PAX3: variants seen among roughly 807,000 people sequenced by gnomAD.
The protein encoded by PAX3 is paired box protein Pax-3.
In PAX3, 14 loss-of-function variants were observed where a neutral mutation model predicts 51.6. That is an observed-to-expected ratio of 0.27 (90% CI 0.18 to 0.42). The LOEUF is 0.42. PAX3 is among the 10% of genes least tolerant of loss of function. PAX3 has a pLI of 1.00. For missense variants in PAX3, 540 were observed against 642.8 expected (o/e 0.84, Z 1.73); for synonymous variants, 280 against 253.4 (o/e 1.11, Z -1.00).
chr2:222,295,550 A>G lies in PAX3; in HGVS notation c.429T>C (p.Cys143=), dbSNP rs2106200288. 1 of 1,614,224 alleles carries G rather than the reference A, an allele frequency of 6.2e-7. No homozygotes were observed. The highest frequency in any genetic ancestry group is 8.5e-7 in the Non-Finnish European group (1 of 1,180,034). ...TACCTGACGGCACGGTGTTTCGATC[A>G]CAGACCGCGTCCTTGAGTAATTTGT... ...IRDKLLKDAV[C]DRNTVPSVSS... Residue 143 remains cysteine, a synonymous_variant, in exon 3 of 9, where the codon TGT becomes TGC. Coordinates refer to ENST00000392070, the MANE Select transcript of PAX3 (RefSeq NM_181458.4).
intron 4 of PAX3, among the ~76,000 whole-genome samples, chr2:222,278,085 C>T (rs1694494992): frequency 6.6e-6 from 1 of 151,938 alleles, no homozygotes; most frequent in Non-Finnish European, 1.5e-5. Context: ...ATTAGACACC[C>T]TGATTAAAAT....
In PAX3 at chr2:222,281,669, C is replaced by T. The variant is rs532627018; in HGVS notation, c.586+12498G>A. Among the ~76,000 whole-genome samples, 3 of 152,338 alleles carry T rather than the reference C, an allele frequency of 2.0e-5. No individual in the cohort carries two copies. The South Asian group carries it at 6.2e-4, about 32-fold the overall frequency. ...CATGTTGATATTAATCCTCTGTAGACTTTCCTTCCTGTGTGGAGAGCTGCA... is the reference window on the plus strand; with the variant it reads ...CATGTTGATATTAATCCTCTGTAGATTTTCCTTCCTGTGTGGAGAGCTGCA... On this transcript the variant is annotated intron_variant, in intron 4 of 8. Transcript: ENST00000392070.
intron 4 of PAX3, among the ~76,000 whole-genome samples, chr2:222,238,454 A>G (rs777688730): frequency 9.2e-5 from 14 of 152,220 alleles, no homozygotes; most frequent in Non-Finnish European, 1.9e-4. Context: ...ATGGAGAAAC[A>G]AAATAATTCA....
chr2:222,286,467 G>T (rs1301818940), intron 4 of PAX3, among the ~76,000 whole-genome samples: 1 of 152,234 alleles, frequency 6.6e-6, no homozygotes, highest in African/African-American at 2.4e-5. Flanking sequence ...TTTTGCTAGG[G>T]AAGGTAATTT....
chr2:222,294,895 C>G lies in PAX3; in HGVS notation c.452-594G>C, dbSNP rs184390772. On this transcript the variant is annotated intron_variant, in intron 3 of 8. Transcript: ENST00000392070. The stretch of plus-strand genomic sequence containing the variant: ...TGTAAAAATCAAAAGAAAATGCACT[C>G]TCTCCCACTTATTTTTTCCAGATTC... 2.0e-5 allele frequency among the ~76,000 whole-genome samples: 3 copies of G among 151,056 alleles called. No homozygotes were observed. In the East Asian group the frequency reaches 5.9e-4, roughly 30 times the overall value.
At chr2:222,295,457 G>C (rs1376225503) in intron 3 of PAX3, 71 bp downstream of exon 3, 3 of 1,560,886 alleles carry the variant, frequency 1.9e-6, no homozygotes, top group Non-Finnish European at 2.7e-6. Context: ...GGGTGATTAC[G>C]TCTGGGTCGA....
intron 4 of PAX3, among the ~76,000 whole-genome samples, chr2:222,239,488 A>C (rs1179696837): frequency 6.6e-6 from 1 of 152,170 alleles, no homozygotes; most frequent in Admixed American, 6.5e-5. Flanking sequence ...TTTATTTTAA[A>C]ATTGTATATA....
At position 222,202,046 on chromosome 2, in the gene PAX3, C is replaced by T. The variant is rs749014584; in HGVS notation, c.1318G>A (p.Asp440Asn). The change falls in exon 8 of 9, where the codon GAC becomes AAC. Residue 440 changes from aspartate to asparagine, a missense_variant. Asp to Asn is a conservative substitution (Grantham distance 23, BLOSUM62 1). Transcript: ENST00000392070. ...SQRLDHMKSL[D>N]SLPTSQSYCP... ...TAGGACTGAGATGTTGGCAGACTGT[C>T]CAAGCTCTTCATATGGTCTAGTCTC... 3 of 1,613,980 alleles carry T rather than the reference C, an allele frequency of 1.9e-6. No individual in the cohort carries two copies. In the African/African-American group the frequency reaches 4.0e-5, roughly 22 times the overall value.
In PAX3 at chr2:222,201,942, A is replaced by G. The variant is rs1691308635; in HGVS notation, c.1420+2T>C. The G allele has an allele frequency of 6.2e-7, 1 of 1,614,056 alleles. No individual in the cohort carries two copies. Among genetic ancestry groups the G allele is most frequent in the Non-Finnish European group, 8.5e-7 (1 of 1,179,994 alleles). ...TTGCCCCCTAAAAAGTCCAAGGCTT[A>G]CTTTGTCCATACTGCCCATATTGGT... On this transcript the variant is annotated splice_donor_variant, in intron 8 of 8. Coordinates refer to ENST00000392070, the MANE Select transcript of PAX3 (RefSeq NM_181458.4). LOFTEE classifies it high-confidence loss of function.
intron 4 of PAX3, among the ~76,000 whole-genome samples, chr2:222,255,118 A>G (rs1438272697): frequency 6.6e-6 from 1 of 152,188 alleles, no homozygotes; most frequent in African/African-American, 2.4e-5. Flanking sequence ...TTGGCAGGGC[A>G]AGTTGCAGCA....
At chr2:222,244,072 C>A (rs1367414) in intron 4 of PAX3, among the ~76,000 whole-genome samples, 4 of 151,984 alleles carry the variant, frequency 2.6e-5, no homozygotes, top group Non-Finnish European at 5.9e-5. Flanking sequence ...CAAGGTGGTC[C>A]TTCAGATTAG....
intron 4 of PAX3, among the ~76,000 whole-genome samples, chr2:222,249,794 T>C (rs1317776115): frequency 6.6e-6 from 1 of 152,200 alleles, no homozygotes; most frequent in East Asian, 1.9e-4. Context: ...TTTCCTTCTA[T>C]GTCTGCCCTT....
At chr2:222,293,017 G>A (rs1244391017) in intron 4 of PAX3, among the ~76,000 whole-genome samples, 1 of 152,194 alleles carries the variant, frequency 6.6e-6, no homozygotes, top group Non-Finnish European at 1.5e-5. Context: ...ACAGAGTTGG[G>A]CAATGAAGAT....
chr2:222,293,861 A>G, intron 4 of PAX3: 1 of 1,611,742 alleles, frequency 6.2e-7, no homozygotes, highest in East Asian at 2.2e-5. Context: ...TAATGGCAAC[A>G]GAGTGAGAGC....
At chr2:222,295,011 C>T (rs1040415018) in intron 3 of PAX3, among the ~76,000 whole-genome samples, 20 of 152,048 alleles carry the variant, frequency 1.3e-4, no homozygotes, top group African/African-American at 4.6e-4. Context: ...CCCTCCCGTG[C>T]GCCCTCTCGC....
At chr2:222,262,580 G>C (rs963150773) in intron 4 of PAX3, 3 of 135,550 alleles carry the variant, frequency 2.2e-5, no homozygotes, top group Non-Finnish European at 4.7e-5. Context: ...AACAACTTTT[G>C]AAAGTAAATT....
chr2:222,259,868 T>C (rs1693776192), intron 4 of PAX3, among the ~76,000 whole-genome samples: 5 of 151,770 alleles, frequency 3.3e-5, no homozygotes, highest in Admixed American at 3.3e-4. Flanking sequence ...TTAGCTTCAT[T>C]TAACTTTTCT....
At chr2:222,251,432 A>G (rs1236452176) in intron 4 of PAX3, among the ~76,000 whole-genome samples, 2 of 152,038 alleles carry the variant, frequency 1.3e-5, no homozygotes, top group African/African-American at 4.8e-5. Flanking sequence ...AAGGACATGA[A>G]CTCATCCTTT....
At chr2:222,231,215 C>A (rs1692581228) in intron 5 of PAX3, among the ~76,000 whole-genome samples, 1 of 152,130 alleles carries the variant, frequency 6.6e-6, no homozygotes, top group South Asian at 2.1e-4. Context: ...TGCTGAGTCC[C>A]CAGCCTGCAA....
Sources: gnomAD v4.1 joint callset for allele counts (sites outside exome capture counted in the v4.1 genomes callset) on GRCh38, gnomAD v4.1.1 for gene constraint, MANE v1.5 for transcripts, NCBI Gene and HGNC (gene_info 2026-07-23, HGNC 2026-07-21) for gene names.